The following CENPI variants were observed in gnomAD, a reference collection of about 807,000 sequenced individuals.
The protein encoded by CENPI is FSH primary response 1.
A neutral mutation model predicts 60.4 loss-of-function variants in CENPI; 4 were observed. That is an observed-to-expected ratio of 0.07 (90% CI 0.03 to 0.15). The LOEUF is 0.15. Ranked by LOEUF, CENPI falls within the 10% of genes least tolerant of loss-of-function variation. CENPI has a pLI of 1.00. For synonymous variants in CENPI, 157 were observed against 189.4 expected (o/e 0.83, Z 1.40); for missense variants, 444 against 534.5 (o/e 0.83, Z 1.67).
At chrX:101,136,581 A>T (rs2089850366) in intron 15 of CENPI, among the ~76,000 whole-genome samples, 1 of 112,385 alleles carries the variant, frequency 8.9e-6, no homozygotes, top group Admixed American at 9.5e-5. Context: ...AAAGTCTATT[A>T]AAATATTTTC....
At position 101,126,758 on chromosome X, in the gene CENPI, C is replaced by T. The variant is rs1184539719; in HGVS notation, c.737C>T (p.Ala246Val). The T allele has an allele frequency of 8.3e-7, 1 of 1,207,887 alleles. No homozygotes were observed. The highest frequency in any genetic ancestry group is 2.2e-5 in the Admixed American group (1 of 45,976). The part of the protein sequence containing the change: ...QALLSLYKFF[A>V]PALISVSLPV... ...TTGTTGTCACTGTATAAGTTCTTTG[C>T]TCCTGCTCTGATTTCAGTATCTTTG... Residue 246 changes from alanine (A) to valine (V), a missense_variant, in exon 9 of 22, where the codon GCT (alanine) becomes GTT (valine). Physicochemically the swap from Ala to Val is moderately conservative, Grantham distance 64. Coordinates refer to ENST00000682095, the MANE Select transcript of CENPI (RefSeq NM_001386188.2).
chrX:101,110,058 G>A (rs2089537022), intron 6 of CENPI, 60 bp downstream of exon 6: 5 of 638,791 alleles, frequency 7.8e-6, no homozygotes, highest in Non-Finnish European at 1.3e-5. Flanking sequence ...GTATATTGAT[G>A]CACCATATAT....
Position 101,127,184 on chromosome X carries a change from C to T in CENPI, c.824C>T (p.Ala275Val). 9 of 1,189,854 alleles carry T rather than the reference C, an allele frequency of 7.6e-6. No individual in the cohort carries two copies. The highest frequency in any genetic ancestry group is 9.1e-6 in the Non-Finnish European group (8 of 883,589). ...SENLWKTALL[A>V]VKQRNRGPSP... is the part of the protein sequence containing the mutation. The stretch of plus-strand genomic sequence containing the variant: ...AATCTATGGAAGACGGCTCTGCTTG[C>T]CGTGAAGCAAAGAAACCGGGGACCT... Residue 275 changes from alanine (A) to valine (V), a missense_variant, in exon 10 of 22, where the codon GCC (alanine) becomes GTC (valine). Transcript: ENST00000682095.
At chrX:101,173,130 C>T in the CENPI span, among the ~76,000 whole-genome samples, 1 of 102,963 alleles carries the variant, frequency 9.7e-6, no homozygotes. Flanking sequence ...ATTCTCCTGC[C>T]TCAGCCTCCC....
At chrX:101,116,012 T>C (rs763410736) in intron 6 of CENPI, among the ~76,000 whole-genome samples, 1 of 111,993 alleles carries the variant, frequency 8.9e-6, no homozygotes, top group African/African-American at 3.2e-5. Flanking sequence ...GTGAATAATA[T>C]TCTACTTCAT....
intron 15 of CENPI, among the ~76,000 whole-genome samples, chrX:101,136,362 A>G (rs2148209372): frequency 9.0e-6 from 1 of 111,697 alleles, no homozygotes; most frequent in East Asian, 2.8e-4. Context: ...AAAGGATAGG[A>G]TCAATGAAAG....
intron 15 of CENPI, among the ~76,000 whole-genome samples, chrX:101,139,199 TCTC>T (rs1377535730): frequency 9.9e-6 from 1 of 101,176 alleles, no homozygotes; most frequent in East Asian, 3.1e-4. Flanking sequence ...CTCAAGCAAT[TCTC>T]CTGCCTCTCA....
At chrX:101,136,288 A>T (rs777301334) in intron 15 of CENPI, among the ~76,000 whole-genome samples, 11 of 111,830 alleles carry the variant, frequency 9.8e-5, no homozygotes, top group African/African-American at 3.6e-4. Flanking sequence ...TTTGTAGAAT[A>T]TGAAGGTGTA....
chrX:101,162,905 A>G lies in CENPI; in HGVS notation c.2209A>G (p.Ser737Gly). The G allele has an allele frequency of 8.3e-7, 1 of 1,207,463 alleles. No homozygotes were observed. Among genetic ancestry groups the G allele is most frequent in the Non-Finnish European group, 1.1e-6 (1 of 891,910 alleles). The part of the protein sequence containing the change: ...GLQGLKLFIR[S>G]SVHHSSIPRA... ...ACAAGGCTTGAAACTTTTTATAAGA[A>G]GTAGTGTTCATCATTCTTCCATTCC... The change falls in exon 22 of 22, where the codon AGT becomes GGT. Residue 737 changes from serine to glycine, a missense_variant. Ser to Gly is a moderately conservative substitution (Grantham distance 56). Transcript: ENST00000682095.
At position 101,159,230 on chromosome X, in the gene CENPI, T is replaced by C. The variant is rs778864078; in HGVS notation, c.2095-2298T>C. On this transcript the variant is annotated intron_variant, in intron 20 of 21. Transcript: ENST00000682095. Reference sequence around the variant, plus strand: ...AGGCTGGAGTGCAGTGGTGCGATCTTGGCTCACTGCAAGCTCCGCCTCCCA... The same window carrying C: ...AGGCTGGAGTGCAGTGGTGCGATCTCGGCTCACTGCAAGCTCCGCCTCCCA... Among the ~76,000 whole-genome samples, 38 of 110,236 alleles carry C rather than the reference T, an allele frequency of 3.4e-4. No homozygotes were observed. In the South Asian group the frequency reaches 6.4e-3, roughly 18 times the overall value.
At chrX:101,116,302 G>T (rs758211535) in intron 6 of CENPI, among the ~76,000 whole-genome samples, 93 of 105,006 alleles carry the variant, frequency 8.9e-4, no homozygotes, top group African/African-American at 1.7e-3. Context: ...TTTTTGGGGG[G>T]TTTTTTTTTT....
chrX:101,113,862 G>A (rs1289385967), intron 6 of CENPI, among the ~76,000 whole-genome samples: 2 of 111,810 alleles, frequency 1.8e-5, no homozygotes, highest in Non-Finnish European at 3.8e-5. Context: ...AAATTTTTTC[G>A]GGATATTGAC....
At chrX:101,108,990 T>G (rs892611406) in intron 4 of CENPI, among the ~76,000 whole-genome samples, 10 of 110,624 alleles carry the variant, frequency 9.0e-5, no homozygotes, top group African/African-American at 2.6e-4. Context: ...ATTTTTGTTT[T>G]GAACAATTTA....
chrX:101,162,455 CA>C (rs1190768253), intron 21 of CENPI, among the ~76,000 whole-genome samples: 10,963 of 53,640 alleles, frequency 0.2, 942 homozygotes, highest in Middle Eastern at 0.28. Context: ...AACCGTATCT[CA>C]AAAAAAAAAA....
intron 20 of CENPI, among the ~76,000 whole-genome samples, chrX:101,152,961 G>A (rs1255599035): frequency 9.3e-6 from 1 of 107,785 alleles, no homozygotes; most frequent in Non-Finnish European, 1.9e-5. Context: ...TTAAGAGTGG[G>A]AATACTAGAT....
intron 6 of CENPI, among the ~76,000 whole-genome samples, chrX:101,113,055 T>G (rs765508669): frequency 6.4e-5 from 7 of 110,034 alleles, no homozygotes; most frequent in Middle Eastern, 9.3e-3. Flanking sequence ...CTAAGTGTTT[T>G]CGTACCTACT....
At chrX:101,111,378 A>G (rs2089551572) in intron 6 of CENPI, among the ~76,000 whole-genome samples, 1 of 111,018 alleles carries the variant, frequency 9.0e-6, no homozygotes, top group Admixed American at 9.7e-5. Flanking sequence ...TCATAATAAT[A>G]CCAAGGTATT....
chrX:101,162,151 G>T (rs2090113577), intron 21 of CENPI, among the ~76,000 whole-genome samples: 1 of 109,195 alleles, frequency 9.2e-6, no homozygotes, highest in Non-Finnish European at 1.9e-5. Context: ...CTGTTGGCCA[G>T]CTGGTCTCGA....
chrX:101,115,587 T>A (rs2089613072), intron 6 of CENPI, among the ~76,000 whole-genome samples: 1 of 110,940 alleles, frequency 9.0e-6, no homozygotes, highest in African/African-American at 3.3e-5. Flanking sequence ...TGGCCTTGAT[T>A]TTCTGGCCTT....
Sources: allele counts gnomAD v4.1 joint callset (sites outside exome capture counted in the v4.1 genomes callset), GRCh38; gene constraint gnomAD v4.1.1; transcripts MANE v1.5; gene names NCBI Gene and HGNC (gene_info 2026-07-23, HGNC 2026-07-21).